ZMPSTE24: variants seen among roughly 807,000 people sequenced by gnomAD.
The protein encoded by ZMPSTE24 is zinc metallopeptidase STE24.
In ZMPSTE24, 48 loss-of-function variants were observed where a neutral mutation model predicts 56.7. The observed-to-expected ratio is 0.85, with a 90% confidence interval of 0.67 to 1.08. The LOEUF is 1.08. Ranked by LOEUF, ZMPSTE24 falls within the 50% of genes least tolerant of loss-of-function variation. The pLI, the probability that ZMPSTE24 is intolerant of heterozygous loss-of-function variation, is 0.00. For missense variants in ZMPSTE24, 503 were observed against 548.7 expected (o/e 0.92, Z 0.83); for synonymous variants, 172 against 195.2 (o/e 0.88, Z 0.99).
chr1:40,290,958 A>G lies in ZMPSTE24; in HGVS notation c.1164A>G (p.Leu388=). 6.2e-7 allele frequency: 1 copy of G among 1,614,088 alleles called. No homozygotes were observed. Among genetic ancestry groups the G allele is most frequent in the South Asian group, 1.1e-5 (1 of 91,068 alleles). The change falls in exon 9 of 10, where the codon CTA becomes CTG. Residue 388 remains leucine (L), a synonymous_variant. Coordinates refer to ENST00000372759, the MANE Select transcript of ZMPSTE24 (RefSeq NM_005857.5). ...FYDSQPTLIG[L]LIIFQFIFSP... Reference sequence around the variant, plus strand: ...ATAGCCAACCCACTCTTATTGGACTATTGATCATCTTCCAGTTTATTTTTT... The same window carrying G: ...ATAGCCAACCCACTCTTATTGGACTGTTGATCATCTTCCAGTTTATTTTTT...
At chr1:40,291,900 G>T (rs1024650059) in intron 9 of ZMPSTE24, among the ~76,000 whole-genome samples, 4 of 151,022 alleles carry the variant, frequency 2.6e-5, no homozygotes, top group Non-Finnish European at 2.9e-5. Context: ...GAGTGCAGGG[G>T]TGTCATCTTG....
At chr1:40,268,235 G>C (rs989055487) in intron 3 of ZMPSTE24, among the ~76,000 whole-genome samples, 184 bp from the exon 4 acceptor site, 18 of 152,120 alleles carry the variant, frequency 1.2e-4, no homozygotes, top group Admixed American at 5.9e-4. Flanking sequence ...GAATTGTTTT[G>C]TTTCTCATTT....
intron 9 of ZMPSTE24, among the ~76,000 whole-genome samples, chr1:40,291,333 T>C (rs754621343): frequency 9.2e-5 from 14 of 152,310 alleles, no homozygotes; most frequent in Middle Eastern, 3.4e-3. Flanking sequence ...CTTATGTGTA[T>C]GAGGGGACAA....
intron 7 of ZMPSTE24, among the ~76,000 whole-genome samples, chr1:40,283,201 T>G (rs1466286515): frequency 6.6e-6 from 1 of 152,134 alleles, no homozygotes; most frequent in Non-Finnish European, 1.5e-5. Context: ...TCATGCAAGT[T>G]TAGAAAGTTA....
At chr1:40,286,092 A>G (rs1643784831) in intron 8 of ZMPSTE24, 63 bp downstream of exon 8, 3 of 1,428,210 alleles carry the variant, frequency 2.1e-6, no homozygotes, top group South Asian at 2.4e-5. Context: ...TATGGCAGGC[A>G]TGAGAGGTCA....
At chr1:40,292,226 G>A (rs1408999937) in intron 9 of ZMPSTE24, among the ~76,000 whole-genome samples, 3 of 152,148 alleles carry the variant, frequency 2.0e-5, no homozygotes, top group Non-Finnish European at 4.4e-5. Flanking sequence ...GGTTAGGGAT[G>A]TTTAACTTTT....
At position 40,282,792 on chromosome 1, in the gene ZMPSTE24, C is replaced by T. The variant is rs1490141809; in HGVS notation, c.954+1265C>T. Among the ~76,000 whole-genome samples, 5 of 152,312 alleles carry T rather than the reference C, an allele frequency of 3.3e-5. No individual in the cohort carries two copies. In the East Asian group the frequency reaches 9.7e-4, roughly 29 times the overall value. On this transcript the variant is annotated intron_variant, in intron 7 of 9. Coordinates refer to ENST00000372759, the MANE Select transcript of ZMPSTE24 (RefSeq NM_005857.5). Reference sequence around the variant, plus strand: ...TTTAGCAGCATCCCTGGTCTCTCCCCACTAGGGGCCATTTCCCCTACAACC... The same window carrying T: ...TTTAGCAGCATCCCTGGTCTCTCCCTACTAGGGGCCATTTCCCCTACAACC...
chr1:40,283,939 CTTTT>C (rs754673107), intron 7 of ZMPSTE24, among the ~76,000 whole-genome samples: 1 of 133,128 alleles, frequency 7.5e-6, no homozygotes, highest in Non-Finnish European at 1.6e-5. Flanking sequence ...AACTTTCTTT[CTTTT>C]TTTTTTTTTT....
chr1:40,264,733 A>C (rs775282349), intron 2 of ZMPSTE24, among the ~76,000 whole-genome samples: 2 of 151,638 alleles, frequency 1.3e-5, no homozygotes, highest in Non-Finnish European at 2.9e-5. Context: ...TTAAAAAATC[A>C]ACTGAGTGTG....
chr1:40,268,398 T>G (rs1348425287), intron 3 of ZMPSTE24, 21 bp from the exon 4 acceptor site: 1 of 1,569,446 alleles, frequency 6.4e-7, no homozygotes. Context: ...AAACTGGATT[T>G]TTGTTTTTTC....
intron 1 of ZMPSTE24, among the ~76,000 whole-genome samples, chr1:40,258,721 A>G (rs918773754): frequency 6.6e-6 from 1 of 152,186 alleles, no homozygotes; most frequent in Admixed American, 6.5e-5. Flanking sequence ...AGCCTTTAAA[A>G]GGATTTAGAC....
Position 40,293,941 on chromosome 1 carries a change from T to G in ZMPSTE24, c.*1272T>G, listed in dbSNP as rs956744752. 1 of 152,562 alleles carries G rather than the reference T, an allele frequency of 6.6e-6. No homozygotes were observed. Among genetic ancestry groups the G allele is most frequent in the African/African-American group, 2.4e-5 (1 of 41,460 alleles). 9.5% of individuals were successfully genotyped at this position (152,562 alleles called of 1,614,324 possible). A position where few individuals can be genotyped will look rare whatever the true frequency, so the allele number is the denominator to read the frequency against. On this transcript the variant is annotated 3_prime_UTR_variant, in exon 10 of 10. Transcript: ENST00000372759. ...GCCTTTGGTATCTGACCATAAAGTC[T>G]TTTGCTCCGCTGACATTTGGGTGAT... is the stretch of plus-strand genomic sequence containing the variant.
At chr1:40,275,003 TG>T (rs1300875162) in intron 6 of ZMPSTE24, among the ~76,000 whole-genome samples, 1 of 151,944 alleles carries the variant, frequency 6.6e-6, no homozygotes, top group East Asian at 1.9e-4. Flanking sequence ...AGAGTAGGTT[TG>T]TGGGGAATTA....
At chr1:40,262,474 A>G (rs904777346) in intron 2 of ZMPSTE24, among the ~76,000 whole-genome samples, 1 of 151,932 alleles carries the variant, frequency 6.6e-6, no homozygotes, top group African/African-American at 2.4e-5. Context: ...CAAGTAGGAA[A>G]TCATCCTTCA....
intron 6 of ZMPSTE24, among the ~76,000 whole-genome samples, chr1:40,276,263 G>C (rs1273546148): frequency 6.6e-6 from 1 of 152,184 alleles, no homozygotes; most frequent in African/African-American, 2.4e-5. Context: ...GTTTTAGGGC[G>C]AGGTCAGCGC....
At chr1:40,283,621 T>G (rs1336057084) in intron 7 of ZMPSTE24, among the ~76,000 whole-genome samples, 1 of 152,218 alleles carries the variant, frequency 6.6e-6, no homozygotes, top group Admixed American at 6.5e-5. Flanking sequence ...TTCACATACC[T>G]TGATGGGGAT....
chr1:40,263,891 A>G (rs1028193003), intron 2 of ZMPSTE24, among the ~76,000 whole-genome samples: 1 of 152,176 alleles, frequency 6.6e-6, no homozygotes, highest in Non-Finnish European at 1.5e-5. Flanking sequence ...TATCTCACAG[A>G]TATCAATAAA....
intron 6 of ZMPSTE24, among the ~76,000 whole-genome samples, chr1:40,273,920 C>G (rs1643644369): frequency 6.6e-6 from 1 of 151,592 alleles, no homozygotes; most frequent in Non-Finnish European, 1.5e-5. Flanking sequence ...TTTTTTCCCC[C>G]TACAACATCC....
intron 4 of ZMPSTE24, among the ~76,000 whole-genome samples, chr1:40,268,968 C>T (rs1174682314): frequency 2.0e-5 from 3 of 147,508 alleles, no homozygotes; most frequent in African/African-American, 2.5e-5. Context: ...CCCAGCTACT[C>T]GAGAGGCTGA....
Sources: allele counts gnomAD v4.1 joint callset (sites outside exome capture counted in the v4.1 genomes callset), GRCh38; gene constraint gnomAD v4.1.1; transcripts MANE v1.5; gene names NCBI Gene and HGNC (gene_info 2026-07-23, HGNC 2026-07-21).